The following HS6ST1 variants were observed in gnomAD, a reference collection of about 807,000 sequenced individuals.
HS6ST1 encodes heparan-sulfate 6-O-sulfotransferase 1.
In HS6ST1, 3 loss-of-function variants were observed where a neutral mutation model predicts 25.2. The ratio of observed to expected loss-of-function variants is 0.12; its 90% CI spans 0.05 to 0.31. The LOEUF (loss-of-function observed/expected upper bound fraction) is 0.31. Ranked by LOEUF, HS6ST1 falls within the 10% of genes least tolerant of loss-of-function variation. HS6ST1 has a pLI of 1.00. For missense variants in HS6ST1, 310 were observed against 609.6 expected, an observed-to-expected ratio of 0.51 and a Z score of 5.18; for synonymous variants, 204 against 275.1, an observed-to-expected ratio of 0.74 and a Z score of 2.56.
At chr2:128,272,545 C>T (rs1239015591) in intron 1 of HS6ST1, among the ~76,000 whole-genome samples, 1 of 152,036 alleles carries the variant, frequency 6.6e-6, no homozygotes, top group Non-Finnish European at 1.5e-5. Context: ...CCTCTCTACA[C>T]AGCTGAGGGG....
At chr2:128,302,853 C>CGG (rs1694154186) in intron 1 of HS6ST1, among the ~76,000 whole-genome samples, 1 of 152,232 alleles carries the variant, frequency 6.6e-6, no homozygotes, top group African/African-American at 2.4e-5. Flanking sequence ...GGAAGACAGC[C>CGG]GGCCAGTTCC....
chr2:128,309,927 T>C (rs1558881305), intron 1 of HS6ST1, among the ~76,000 whole-genome samples: 1 of 152,244 alleles, frequency 6.6e-6, no homozygotes, highest in Non-Finnish European at 1.5e-5. Context: ...AGTCCGTGGC[T>C]GAGGGATCAT....
intron 1 of HS6ST1, among the ~76,000 whole-genome samples, chr2:128,299,786 T>C (rs1694096486): frequency 6.6e-6 from 1 of 151,828 alleles, no homozygotes; most frequent in Admixed American, 6.6e-5. Context: ...TCATAACCCC[T>C]CCCCCATCCC....
chr2:128,291,097 GTCCAC>G (rs1693944206), intron 1 of HS6ST1, among the ~76,000 whole-genome samples: 1 of 152,252 alleles, frequency 6.6e-6, no homozygotes, highest in Non-Finnish European at 1.5e-5. Flanking sequence ...AGACAAAGAT[GTCCAC>G]TCTCTCTAAG....
At chr2:128,273,649 C>A (rs73956959) in intron 1 of HS6ST1, among the ~76,000 whole-genome samples, 1 of 152,256 alleles carries the variant, frequency 6.6e-6, no homozygotes, top group African/African-American at 2.4e-5. Flanking sequence ...GCCACAGGCA[C>A]GTCCTGGCCA....
At chr2:128,304,973 G>A (rs1175802394) in intron 1 of HS6ST1, among the ~76,000 whole-genome samples, 2 of 152,226 alleles carry the variant, frequency 1.3e-5, no homozygotes, top group Non-Finnish European at 2.9e-5. Context: ...CCTTCCTGGT[G>A]GCCCAGGGCA....
intron 1 of HS6ST1, among the ~76,000 whole-genome samples, chr2:128,284,507 T>C (rs550703230): frequency 8.7e-5 from 13 of 149,312 alleles, no homozygotes; most frequent in South Asian, 6.3e-4. Context: ...CGTCCCTCTT[T>C]TTTTTTTTTT....
intron 1 of HS6ST1, among the ~76,000 whole-genome samples, chr2:128,271,782 T>C (rs139110226): frequency 4.0e-4 from 61 of 152,320 alleles, no homozygotes; most frequent in East Asian, 9.7e-4. Context: ...AGGGCCCCGA[T>C]TGACCCGAGG....
chr2:128,279,352 T>TA (rs1553455940), intron 1 of HS6ST1, among the ~76,000 whole-genome samples: 2 of 143,936 alleles, frequency 1.4e-5, no homozygotes, highest in Admixed American at 7.0e-5. Context: ...TTTTTTTTTT[T>TA]AAGAAATACT....
chr2:128,305,363 T>G (rs539486026), intron 1 of HS6ST1, among the ~76,000 whole-genome samples: 1 of 152,216 alleles, frequency 6.6e-6, no homozygotes, highest in Non-Finnish European at 1.5e-5. Context: ...TTGGGAGGCC[T>G]GAACTTTTGC....
intron 1 of HS6ST1, among the ~76,000 whole-genome samples, chr2:128,306,935 G>A (rs1694220818): frequency 6.6e-6 from 1 of 152,110 alleles, no homozygotes; most frequent in Non-Finnish European, 1.5e-5. Flanking sequence ...CTGAGGCACA[G>A]GGCGTGGACA....
rs981554427 is a variant in HS6ST1, at chr2:128,266,857, T to G, written c.*1305A>C. 1 of 152,168 alleles carries G rather than the reference T, an allele frequency of 6.6e-6. No homozygotes were observed. 9.4% of individuals were successfully genotyped at this position (152,168 alleles called of 1,614,324 possible). Reference sequence around the variant, plus strand: ...ACGTGCTTACAACGGATATGCAACATGGCTTTTGGTAGGGCCATTGCAGCC... The same window carrying G: ...ACGTGCTTACAACGGATATGCAACAGGGCTTTTGGTAGGGCCATTGCAGCC... On this transcript the variant is annotated 3_prime_UTR_variant, in exon 2 of 2. Transcript: ENST00000259241.
intron 1 of HS6ST1, chr2:128,289,795 T>A (rs551218719): frequency 1.1e-4 from 16 of 152,206 alleles, no homozygotes; most frequent in Non-Finnish European, 2.1e-4. Flanking sequence ...CAGACCTACC[T>A]GCTTTCACCA....
At chr2:128,294,925 G>C (rs1694018019) in intron 1 of HS6ST1, among the ~76,000 whole-genome samples, 1 of 152,084 alleles carries the variant, frequency 6.6e-6, no homozygotes, top group African/African-American at 2.4e-5. Context: ...AAGGAACAAG[G>C]AAAATAAGAA....
At chr2:128,299,519 G>A (rs1436166157) in intron 1 of HS6ST1, among the ~76,000 whole-genome samples, 1 of 152,248 alleles carries the variant, frequency 6.6e-6, no homozygotes, top group Non-Finnish European at 1.5e-5. Flanking sequence ...GGCCCAATGA[G>A]GAAGAGCCAC....
chr2:128,288,471 C>T (rs1255626527), intron 1 of HS6ST1, among the ~76,000 whole-genome samples: 1 of 152,178 alleles, frequency 6.6e-6, no homozygotes, highest in Non-Finnish European at 1.5e-5. Flanking sequence ...TGCATTAACA[C>T]AGAAGCTCAT....
At chr2:128,309,284 C>G (rs1694255174) in intron 1 of HS6ST1, among the ~76,000 whole-genome samples, 1 of 152,234 alleles carries the variant, frequency 6.6e-6, no homozygotes, top group Admixed American at 6.5e-5. Flanking sequence ...TCCTACCACT[C>G]CGTGAGGTGG....
At chr2:128,282,064 C>T (rs1693797722) in intron 1 of HS6ST1, among the ~76,000 whole-genome samples, 1 of 152,240 alleles carries the variant, frequency 6.6e-6, no homozygotes, top group Non-Finnish European at 1.5e-5. Context: ...CTGACCTTGC[C>T]AGTCCCCAGA....
chr2:128,311,144 T>A (rs1334990527), intron 1 of HS6ST1, among the ~76,000 whole-genome samples: 2 of 152,166 alleles, frequency 1.3e-5, no homozygotes, highest in African/African-American at 4.8e-5. Context: ...GACTATTTTT[T>A]TCAGCATAAC....
Sources: gnomAD v4.1 joint callset for allele counts (sites outside exome capture counted in the v4.1 genomes callset) on GRCh38, gnomAD v4.1.1 for gene constraint, MANE v1.5 for transcripts, NCBI Gene and HGNC (gene_info 2026-07-23, HGNC 2026-07-21) for gene names.